Variants in SKI observed in about 807,000 individuals in gnomAD.
The protein encoded by SKI is SKI proto-oncogene.
SKI carries 23 observed loss-of-function variants against 59.3 expected under a neutral mutation model. That is an observed-to-expected ratio of 0.39 (90% confidence interval 0.28 to 0.55). The LOEUF is 0.55. SKI is among the 20% of genes least tolerant of loss of function. The pLI is 0.67. For synonymous variants in SKI, 673 were observed against 488.6 expected, an observed-to-expected ratio of 1.38 and a Z score of -4.98; for missense variants, 1,017 against 1,038.9, an observed-to-expected ratio of 0.98 and a Z score of 0.29.
chr1:2,264,329 G>T (rs1569758909), intron 1 of SKI, among the ~76,000 whole-genome samples: 2 of 152,264 alleles, frequency 1.3e-5, no homozygotes, highest in Middle Eastern at 3.4e-3. Flanking sequence ...AAGTGCAGTG[G>T]CACGATCTCG....
intron 1 of SKI, among the ~76,000 whole-genome samples, chr1:2,249,751 T>C (rs1274629774): frequency 6.6e-6 from 1 of 152,198 alleles, no homozygotes; most frequent in Non-Finnish European, 1.5e-5. Context: ...TGCCTCCTGC[T>C]CAACAGGCCA....
chr1:2,251,147 C>T (rs1194397879), intron 1 of SKI, among the ~76,000 whole-genome samples: 1 of 152,192 alleles, frequency 6.6e-6, no homozygotes, highest in East Asian at 1.9e-4. Flanking sequence ...CTTTCTCCTC[C>T]CGCCTGCCTT....
In SKI at chr1:2,307,054, T is replaced by C. The variant is rs1305092343; in HGVS notation, c.*289T>C. Reference sequence around the variant, plus strand: ...TGGAACATTCTAACATTTACACTTTTGTTATAAGCTATTTAAAACCAGTAA... The same window carrying C: ...TGGAACATTCTAACATTTACACTTTCGTTATAAGCTATTTAAAACCAGTAA... On this transcript the variant is annotated 3_prime_UTR_variant, in exon 7 of 7. Coordinates refer to ENST00000378536, the MANE Select transcript of SKI (RefSeq NM_003036.4). 2 of 234,514 alleles carry C rather than the reference T, an allele frequency of 8.5e-6. No homozygotes were observed. Among genetic ancestry groups the C allele is most frequent in the Non-Finnish European group, 1.6e-5 (2 of 121,644 alleles). The allele number at this position is 234,514 out of a possible 1,614,324, so 14.5% of individuals were successfully genotyped here.
chr1:2,271,257 T>A (rs1437178935), intron 1 of SKI, among the ~76,000 whole-genome samples: 1 of 152,106 alleles, frequency 6.6e-6, no homozygotes, highest in African/African-American at 2.4e-5. Flanking sequence ...CAGGGGCTTT[T>A]GTTCACTGAA....
At chr1:2,292,082 T>C (rs1428944845) in intron 1 of SKI, among the ~76,000 whole-genome samples, 3 of 152,240 alleles carry the variant, frequency 2.0e-5, no homozygotes, top group African/African-American at 7.2e-5. Context: ...ATAGCTCACG[T>C]GAGCCGATTC....
chr1:2,272,991 C>T (rs997463414), intron 1 of SKI, among the ~76,000 whole-genome samples: 1 of 152,222 alleles, frequency 6.6e-6, no homozygotes, highest in African/African-American at 2.4e-5. Context: ...TCAGCTGGCC[C>T]CAAAGAGCCC....
chr1:2,236,201 C>T (rs966249042), intron 1 of SKI, among the ~76,000 whole-genome samples: 1 of 152,002 alleles, frequency 6.6e-6, no homozygotes, highest in East Asian at 1.9e-4. Context: ...TCTCACTGGC[C>T]GTGGGGGTTG....
chr1:2,306,173 C>G lies in SKI; in HGVS notation c.1921C>G (p.Leu641Val), dbSNP rs575784337. 1.3e-6 allele frequency: 2 copies of G among 1,591,300 alleles called. No individual in the cohort carries two copies. Among genetic ancestry groups the G allele is most frequent in the South Asian group, 1.1e-5 (1 of 87,922 alleles). Reference protein sequence around the residue: ...NESRLRLKRELEQARQARVCD... With the variant: ...NESRLRLKREVEQARQARVCD... ...GTCACGGCTGCGCCTGAAGCGGGAGCTGGAGCAGGCGCGGCAGGCCCGGGT... is the reference window on the plus strand; with the variant it reads ...GTCACGGCTGCGCCTGAAGCGGGAGGTGGAGCAGGCGCGGCAGGCCCGGGT... The change falls in exon 6 of 7, where the codon CTG (leucine) becomes GTG (valine). Residue 641 changes from leucine (L) to valine (V), a missense_variant. Leu to Val is a conservative substitution (Grantham distance 32, BLOSUM62 1). Transcript: ENST00000378536.
At chr1:2,254,805 G>A (rs763314419) in intron 1 of SKI, among the ~76,000 whole-genome samples, 7 of 152,212 alleles carry the variant, frequency 4.6e-5, no homozygotes, top group Non-Finnish European at 1.0e-4. Flanking sequence ...TTGCACCTGA[G>A]GCGTGCAGCC....
chr1:2,263,292 C>T (rs1267027298), intron 1 of SKI, among the ~76,000 whole-genome samples: 1 of 146,456 alleles, frequency 6.8e-6, no homozygotes, highest in Non-Finnish European at 1.5e-5. Flanking sequence ...GGCTGGAGTG[C>T]AGTGACACGA....
At chr1:2,301,971 T>G (rs1640436296) in intron 1 of SKI, among the ~76,000 whole-genome samples, 1 of 152,260 alleles carries the variant, frequency 6.6e-6, no homozygotes, top group African/African-American at 2.4e-5. Flanking sequence ...TTACGGAGAC[T>G]GCCCTGTGAT....
At chr1:2,291,061 G>T (rs892610891) in intron 1 of SKI, among the ~76,000 whole-genome samples, 12 of 152,236 alleles carry the variant, frequency 7.9e-5, no homozygotes, top group Non-Finnish European at 1.8e-4. Context: ...CGGGGAGGGA[G>T]CAGACCCCGT....
At chr1:2,253,991 G>A (rs1639221359) in intron 1 of SKI, among the ~76,000 whole-genome samples, 1 of 152,250 alleles carries the variant, frequency 6.6e-6, no homozygotes, top group Admixed American at 6.5e-5. Flanking sequence ...TCCTGGCTGT[G>A]TGGACCACGG....
At chr1:2,279,282 G>T (rs1337007726) in intron 1 of SKI, among the ~76,000 whole-genome samples, 1 of 152,240 alleles carries the variant, frequency 6.6e-6, no homozygotes, top group Non-Finnish European at 1.5e-5. Context: ...CAGGCTGAGG[G>T]GTGGAAGGGG....
At chr1:2,305,308 C>T (rs1337921245) in intron 5 of SKI, among the ~76,000 whole-genome samples, 5 of 152,210 alleles carry the variant, frequency 3.3e-5, no homozygotes, top group Admixed American at 6.5e-5. Context: ...GCAGGCGGCC[C>T]GTTGTTCACC....
Position 2,288,505 on chromosome 1 carries a change from G to A in SKI, c.970-14473G>A, listed in dbSNP as rs145072948. ...AGGAGTGAGAACACGATTGGTTGTC[G>A]TCGTTTCCTGTGGGAGTGGCTCTTT... On this transcript the variant is annotated intron_variant, in intron 1 of 6. Transcript: ENST00000378536. Among the ~76,000 whole-genome samples, 16 of 152,362 alleles carry A rather than the reference G, an allele frequency of 1.1e-4. No individual in the cohort carries two copies. The East Asian group carries it at 2.7e-3, about 26-fold the overall frequency.
chr1:2,303,306 C>G lies in SKI; in HGVS notation c.1117C>G (p.Arg373Gly), dbSNP rs749507746. ...SNKSLGCVHP[R>G]QRLSAFRPWS... is the part of the protein sequence containing the mutation. The stretch of plus-strand genomic sequence containing the variant: ...ACAGAGCCTGGGCTGTGTTCACCCT[C>G]GCCAGCGCCTCTCTGCTTTCCGACC... The change falls in exon 3 of 7, where the codon CGC becomes GGC. Residue 373 changes from arginine (R) to glycine (G), a missense_variant. Transcript: ENST00000378536. This position sits in a 1 kb window ranked among gnomAD's most constrained non-coding sequence, Gnocchi z 5.6. 1 of 1,613,784 alleles carries G rather than the reference C, an allele frequency of 6.2e-7. No individual in the cohort carries two copies. The highest frequency in any genetic ancestry group is 1.1e-5 in the South Asian group (1 of 91,082).
At position 2,304,103 on chromosome 1, in the gene SKI, G is replaced by A. The variant is rs112549942; in HGVS notation, c.1474+1G>A. 5 of 1,612,256 alleles carry A rather than the reference G, an allele frequency of 3.1e-6. No homozygotes were observed. The highest frequency in any genetic ancestry group is 4.2e-6 in the Non-Finnish European group (5 of 1,179,778). ...GTGGAAGTTGAAAGCAGGGAGGAAT[G>A]TACGTGTGAGTCGCTTTCTGTGCCT... is the stretch of plus-strand genomic sequence containing the variant. On this transcript the variant is annotated splice_donor_variant, in intron 4 of 6. Coordinates refer to ENST00000378536, the MANE Select transcript of SKI (RefSeq NM_003036.4). LOFTEE classifies it high-confidence loss of function.
intron 1 of SKI, among the ~76,000 whole-genome samples, chr1:2,275,306 C>A (rs1639716924): frequency 6.6e-6 from 1 of 152,212 alleles, no homozygotes; most frequent in South Asian, 2.1e-4. Context: ...CTTGTAGTCA[C>A]TGAGTTCGAG....
Sources: allele counts gnomAD v4.1 joint callset (sites outside exome capture counted in the v4.1 genomes callset), GRCh38; gene constraint gnomAD v4.1.1; non-coding constraint Gnocchi (gnomAD v3.1); transcripts MANE v1.5; gene names NCBI Gene and HGNC (gene_info 2026-07-23, HGNC 2026-07-21).